WDFY4: variants seen among roughly 807,000 people sequenced by gnomAD.
WDFY4 encodes WD repeat- and FYVE domain-containing protein 4.
Under a neutral mutation model 351.9 loss-of-function variants are expected in WDFY4, and 169 were observed. The ratio of observed to expected loss-of-function variants is 0.48; its 90% confidence interval spans 0.42 to 0.55. The LOEUF is 0.55. Among genes scored for constraint, WDFY4 ranks in the 20% least tolerant of loss-of-function variants. The pLI is 0.00. For synonymous variants in WDFY4, 1,622 were observed against 1,574.6 expected (o/e 1.03, Z -0.71); for missense variants, 3,803 against 3,935.6 (o/e 0.97, Z 0.90).
At chr10:48,887,050 A>G (rs757129842) in intron 43 of WDFY4, among the ~76,000 whole-genome samples, 2 of 152,256 alleles carry the variant, frequency 1.3e-5, no homozygotes, top group Non-Finnish European at 2.9e-5. Context: ...CTTTTCTAGC[A>G]GAATCAATGT....
intron 54 of WDFY4, among the ~76,000 whole-genome samples, chr10:48,965,329 C>A (rs1299428877): frequency 2.0e-5 from 3 of 152,088 alleles, no homozygotes; most frequent in African/African-American, 7.2e-5. Flanking sequence ...GAATGAGAAT[C>A]CCCAAGTGTC....
rs566161621 is a variant in WDFY4, at chr10:48,870,252, A to G, written c.6741+2910A>G. On this transcript the variant is annotated intron_variant, in intron 40 of 61. Coordinates refer to ENST00000325239, the MANE Select transcript of WDFY4 (RefSeq NM_001394531.1). Reference sequence around the variant, plus strand: ...GGGTTGCTGTGATTCGAAAATCATAACTGGTCAAGTGTGGTGGCTCATGCC... The same window carrying G: ...GGGTTGCTGTGATTCGAAAATCATAGCTGGTCAAGTGTGGTGGCTCATGCC... Among the ~76,000 whole-genome samples the G allele has an allele frequency of 1.4e-3, 213 of 152,302 alleles. 1 individual carries two copies. Among genetic ancestry groups the G allele is most frequent in the African/African-American group, 4.8e-3 (199 of 41,578 alleles).
chr10:48,726,340 C>T (rs566193104), intron 6 of WDFY4, among the ~76,000 whole-genome samples: 1 of 152,328 alleles, frequency 6.6e-6, no homozygotes, highest in South Asian at 2.1e-4. Context: ...TATGCACACA[C>T]TACCAATCAG....
Position 48,727,528 on chromosome 10 carries a change from T to C in WDFY4, c.840T>C (p.Pro280=), listed in dbSNP as rs1460942718. Residue 280 remains proline (P), a synonymous_variant, in exon 7 of 62, where the codon CCT becomes CCC. Coordinates refer to ENST00000325239, the MANE Select transcript of WDFY4 (RefSeq NM_001394531.1). The part of the protein sequence containing the change: ...QNLSRLTDTL[P]APEVSEAVSL... The stretch of plus-strand genomic sequence containing the variant: ...TCTCCAGGCTCACGGACACTCTCCC[T>C]GCCCCTGAAGTGAGCGAGGCTGTAA... 6.4e-7 allele frequency: 1 copy of C among 1,551,808 alleles called. No homozygotes were observed. Among genetic ancestry groups the C allele is most frequent in the Admixed American group, 2.0e-5 (1 of 51,006 alleles).
At chr10:48,779,868 T>C (rs2066160593) in intron 18 of WDFY4, 73 bp from the exon 19 acceptor site, 2 of 1,519,878 alleles carry the variant, frequency 1.3e-6, no homozygotes, top group African/African-American at 1.4e-5. Context: ...CGTCCGCCTA[T>C]GCCCTCCCCA....
At chr10:48,838,307 C>A (rs542644635) in intron 39 of WDFY4, among the ~76,000 whole-genome samples, 20 of 152,166 alleles carry the variant, frequency 1.3e-4, no homozygotes, top group East Asian at 5.8e-4. Flanking sequence ...CACCATTGGG[C>A]GCCTTGGAGA....
In WDFY4 at chr10:48,791,657, C is replaced by T. The variant is rs561908060; in HGVS notation, c.4257+740C>T. Among the ~76,000 whole-genome samples the T allele has an allele frequency of 2.6e-4, 39 of 152,346 alleles. 1 individual carries two copies. The South Asian group carries it at 7.7e-3, about 30-fold the overall frequency. On this transcript the variant is annotated intron_variant, in intron 23 of 61. Transcript: ENST00000325239. ...TGGCCACTGCCCTTGAGTAACTTCT[C>T]ACATGTCTGGGAGGCAGCCAGGTGA...
rs192719923 is a variant in WDFY4, at chr10:48,963,437, C to T, written c.8224-405C>T. On this transcript the variant is annotated intron_variant, in intron 53 of 61. Transcript: ENST00000325239. ...TCTCCTGATCACTGCACTTAGCCTC[C>T]GCCTCCTGACACTCTCTGGTCAGAA... Among the ~76,000 whole-genome samples, 39 of 152,324 alleles carry T rather than the reference C, an allele frequency of 2.6e-4. No homozygotes were observed. In the East Asian group the frequency reaches 5.2e-3, roughly 20 times the overall value.
intron 47 of WDFY4, among the ~76,000 whole-genome samples, chr10:48,938,453 G>A (rs1840539243): frequency 6.6e-6 from 1 of 152,234 alleles, no homozygotes; most frequent in African/African-American, 2.4e-5. Flanking sequence ...ACCATATCTG[G>A]AGGCCCAGCC....
chr10:48,748,831 T>C (rs1322427517), intron 12 of WDFY4, among the ~76,000 whole-genome samples: 2 of 152,188 alleles, frequency 1.3e-5, no homozygotes, highest in East Asian at 1.9e-4. Context: ...TGCTCGTCTC[T>C]GCCGTACCAC....
intron 19 of WDFY4, among the ~76,000 whole-genome samples, chr10:48,783,542 A>G (rs764703588): frequency 1.3e-4 from 19 of 151,490 alleles, no homozygotes; most frequent in Non-Finnish European, 2.1e-4. Context: ...TATATATCTT[A>G]TATATAGTGA....
At chr10:48,875,247 T>G in intron 42 of WDFY4, 107 bp downstream of exon 42, 1 of 590,484 alleles carries the variant, frequency 1.7e-6, no homozygotes, top group Non-Finnish European at 2.4e-6. Flanking sequence ...GAAAATGCTA[T>G]TGTAGCCAGC....
At chr10:48,704,686 G>C (rs1042993177) in intron 1 of WDFY4, among the ~76,000 whole-genome samples, 6 of 152,170 alleles carry the variant, frequency 3.9e-5, no homozygotes, top group African/African-American at 1.4e-4. Flanking sequence ...CACTGCTGGG[G>C]GTGTGCTGGG....
rs1486490004 is a variant in WDFY4, at chr10:48,963,851, A to G, written c.8233A>G (p.Ser2745Gly). The G allele has an allele frequency of 1.9e-6, 3 of 1,551,568 alleles. No homozygotes were observed. Among genetic ancestry groups the G allele is most frequent in the Non-Finnish European group, 2.6e-6 (3 of 1,147,008 alleles). Residue 2745 changes from serine (S) to glycine (G), a missense_variant, in exon 54 of 62, where the codon AGT (serine) becomes GGT (glycine). Physicochemically the swap from Ser to Gly is moderately conservative, Grantham distance 56. This residue lies in a region of WDFY4 where 3,054 missense variants were observed against 3,148.6 expected (regional missense o/e 0.97). Coordinates refer to ENST00000325239, the MANE Select transcript of WDFY4 (RefSeq NM_001394531.1). ...FISLHRKALE[S>G]DFVSANLHHW... is the part of the protein sequence containing the mutation. ...TGGGTTTTTGTTCCAGGCCCTGGAA[A>G]GTGACTTTGTCAGTGCCAACCTCCA...
chr10:48,898,143 A>G (rs956076517), intron 45 of WDFY4, among the ~76,000 whole-genome samples: 1 of 152,176 alleles, frequency 6.6e-6, no homozygotes, highest in African/African-American at 2.4e-5. Context: ...TTAGCCAGGC[A>G]TGCAACAGTG....
chr10:48,950,979 G>C (rs2133798987), intron 51 of WDFY4, among the ~76,000 whole-genome samples: 1 of 152,386 alleles, frequency 6.6e-6, no homozygotes, highest in Middle Eastern at 3.4e-3. Flanking sequence ...CTGGGTTGCA[G>C]AGAGGCAGGC....
chr10:48,799,114 C>A (rs950010887), intron 24 of WDFY4, among the ~76,000 whole-genome samples: 10 of 152,308 alleles, frequency 6.6e-5, no homozygotes, highest in Non-Finnish European at 1.0e-4. Context: ...ATTACTAATG[C>A]AGGAACCCAT....
intron 23 of WDFY4, among the ~76,000 whole-genome samples, chr10:48,791,903 C>A (rs1017602457): frequency 1.3e-5 from 2 of 152,176 alleles, no homozygotes; most frequent in African/African-American, 4.8e-5. Context: ...GTAACCCCTT[C>A]CCCCAGCCTG....
At chr10:48,895,429 G>A (rs773443325) in intron 44 of WDFY4, among the ~76,000 whole-genome samples, 1 of 152,218 alleles carries the variant, frequency 6.6e-6, no homozygotes, top group Non-Finnish European at 1.5e-5. Flanking sequence ...TGGGGCAGGG[G>A]CCTTTGTAGC....
Sources: gnomAD v4.1 joint callset for allele counts (sites outside exome capture counted in the v4.1 genomes callset) on GRCh38, gnomAD v4.1.1 for gene constraint, gnomAD v4.1.1 regional missense constraint, MANE v1.5 for transcripts, NCBI Gene and HGNC (gene_info 2026-07-23, HGNC 2026-07-21) for gene names.